GNB1: variants seen among roughly 807,000 people sequenced by gnomAD.
The protein encoded by GNB1 is G protein subunit beta 1, also known as guanine nucleotide-binding protein G(I)/G(S)/G(T) subunit beta-1.
GNB1 carries 2 observed loss-of-function variants against 42.9 expected under a neutral mutation model. The ratio of observed to expected loss-of-function variants is 0.05; its 90% CI spans 0.02 to 0.15. The LOEUF (loss-of-function observed/expected upper bound fraction) is 0.15, where lower values mean the gene tolerates loss of function less well. Ranked by LOEUF, GNB1 falls within the 10% of genes least tolerant of loss-of-function variation. GNB1 has a pLI of 1.00. For missense variants in GNB1, 193 were observed against 462.2 expected, an observed-to-expected ratio of 0.42 and a Z score of 5.34; for synonymous variants, 183 against 174.7, an observed-to-expected ratio of 1.05 and a Z score of -0.38.
chr1:1,870,862 T>C (rs1022277222), intron 1 of GNB1, among the ~76,000 whole-genome samples: 1 of 151,902 alleles, frequency 6.6e-6, no homozygotes, highest in Non-Finnish European at 1.5e-5. Context: ...CGCTTGAACC[T>C]GGGAGGTGGA....
At chr1:1,841,831 C>T (rs895546203) in intron 1 of GNB1, among the ~76,000 whole-genome samples, 4 of 152,184 alleles carry the variant, frequency 2.6e-5, no homozygotes, top group Non-Finnish European at 4.4e-5. Flanking sequence ...CCCCATAACC[C>T]AGCAATTCTA....
At chr1:1,832,167 G>A (rs1304929376) in intron 2 of GNB1, 3 of 151,904 alleles carry the variant, frequency 2.0e-5, no homozygotes, top group South Asian at 2.1e-4. Context: ...TCTACTAAAC[G>A]TAATATTGAT....
chr1:1,882,870 G>C (rs1319107527), intron 1 of GNB1, among the ~76,000 whole-genome samples: 1 of 150,980 alleles, frequency 6.6e-6, no homozygotes, highest in Non-Finnish European at 1.5e-5. Context: ...GCAGTGAGCC[G>C]AGATCATGTC....
intron 2 of GNB1, among the ~76,000 whole-genome samples, chr1:1,826,620 G>T (rs1201644546): frequency 1.3e-5 from 2 of 152,102 alleles, no homozygotes; most frequent in East Asian, 3.9e-4. Context: ...GTGTCCAGCA[G>T]TTTTTTGGCT....
At chr1:1,815,983 A>G (rs1219158746) in intron 4 of GNB1, 121 bp from the exon 5 acceptor site, 2 of 671,534 alleles carry the variant, frequency 3.0e-6, no homozygotes, top group Non-Finnish European at 5.4e-6. Flanking sequence ...CCCTTCCCAC[A>G]GTTCTCCAGT....
At chr1:1,813,247 T>C (rs1646807157) in intron 5 of GNB1, among the ~76,000 whole-genome samples, 1 of 151,940 alleles carries the variant, frequency 6.6e-6, no homozygotes, top group Non-Finnish European at 1.5e-5. Flanking sequence ...TCCAAGTAGC[T>C]GGGACTACAG....
At chr1:1,846,168 TG>T (rs1333538069) in intron 1 of GNB1, among the ~76,000 whole-genome samples, 6 of 151,482 alleles carry the variant, frequency 4.0e-5, no homozygotes, top group Non-Finnish European at 8.8e-5. Flanking sequence ...TATACCTTAC[TG>T]GATCTAAAAA....
chr1:1,850,728 G>A (rs1454038837), intron 1 of GNB1, among the ~76,000 whole-genome samples: 14 of 151,962 alleles, frequency 9.2e-5, no homozygotes, highest in Non-Finnish European at 1.3e-4. Flanking sequence ...CAATATCTGG[G>A]TCATCTCTAA....
chr1:1,801,761 G>A (rs1190114758), intron 7 of GNB1, among the ~76,000 whole-genome samples: 1 of 152,164 alleles, frequency 6.6e-6, no homozygotes, highest in Non-Finnish European at 1.5e-5. Context: ...CAAAAAGGTG[G>A]CAAAGTAGCA....
intron 6 of GNB1, 117 bp downstream of exon 6, chr1:1,806,358 A>G: frequency 1.6e-6 from 1 of 634,640 alleles, no homozygotes; most frequent in South Asian, 2.1e-5. Context: ...TAACAAACAG[A>G]GCTTGCCGCT....
intron 1 of GNB1, among the ~76,000 whole-genome samples, chr1:1,845,087 G>A (rs1199671839): frequency 7.9e-5 from 12 of 152,144 alleles, no homozygotes; most frequent in Non-Finnish European, 4.4e-5. Flanking sequence ...AACTAGAAAT[G>A]CCTTCTTTCA....
chr1:1,843,506 C>T (rs1297026427), intron 1 of GNB1, among the ~76,000 whole-genome samples: 1 of 152,154 alleles, frequency 6.6e-6, no homozygotes, highest in Admixed American at 6.6e-5. Flanking sequence ...GGATTGCAGG[C>T]ACAAGGCACC....
intron 2 of GNB1, among the ~76,000 whole-genome samples, chr1:1,829,324 G>A (rs1051763099): frequency 1.3e-5 from 2 of 152,060 alleles, no homozygotes; most frequent in Non-Finnish European, 2.9e-5. Context: ...CCAAATGCCG[G>A]GATTACAGGT....
chr1:1,837,340 C>T (rs11260617), intron 2 of GNB1, among the ~76,000 whole-genome samples: 22,494 of 150,844 alleles, frequency 0.15, 1,856 homozygotes, highest in Middle Eastern at 0.3. Flanking sequence ...CTGCAAGCTC[C>T]GCCTCCTGGG....
chr1:1,832,268 G>A (rs1349343747), intron 2 of GNB1: 1 of 152,060 alleles, frequency 6.6e-6, no homozygotes, highest in Non-Finnish European at 1.5e-5. Context: ...GCTTCCCTCA[G>A]TCCCCCAGAC....
At chr1:1,832,302 T>G (rs1402414438) in intron 2 of GNB1, 3 of 152,130 alleles carry the variant, frequency 2.0e-5, no homozygotes, top group African/African-American at 7.2e-5. Flanking sequence ...CACCACCAGG[T>G]TTCCCTGGCC....
intron 5 of GNB1, among the ~76,000 whole-genome samples, chr1:1,815,112 TAAA>T (rs762856445): frequency 4.1e-5 from 5 of 123,342 alleles, no homozygotes; most frequent in Non-Finnish European, 6.9e-5. Context: ...ACTCCGTCTT[TAAA>T]AAAAAAAAAA....
intron 5 of GNB1, among the ~76,000 whole-genome samples, chr1:1,814,418 T>G (rs1188763256): frequency 1.3e-5 from 2 of 152,132 alleles, no homozygotes; most frequent in Non-Finnish European, 2.9e-5. Context: ...AGGCACCAAA[T>G]AAGACTTTGT....
intron 1 of GNB1, among the ~76,000 whole-genome samples, chr1:1,862,986 C>T (rs766751962): frequency 1.1e-4 from 17 of 152,154 alleles, no homozygotes; most frequent in African/African-American, 1.7e-4. Flanking sequence ...TTCAGCCCCA[C>T]GCCAGGCCAC....
Sources: gnomAD v4.1 joint callset for allele counts (sites outside exome capture counted in the v4.1 genomes callset) on GRCh38, gnomAD v4.1.1 for gene constraint, MANE v1.5 for transcripts, NCBI Gene and HGNC (gene_info 2026-07-23, HGNC 2026-07-21) for gene names.